Variants in NBEAL2 observed in about 807,000 individuals in gnomAD.
NBEAL2 encodes neurobeachin-like protein 2.
NBEAL2 carries 160 observed loss-of-function variants against 299.8 expected under a neutral mutation model. The ratio of observed to expected loss-of-function variants is 0.53; its 90% CI spans 0.47 to 0.61. The LOEUF (loss-of-function observed/expected upper bound fraction) is 0.61, where lower values mean the gene tolerates loss of function less well. Ranked by LOEUF, NBEAL2 falls within the 20% of genes least tolerant of loss-of-function variation. The probability of loss-of-function intolerance (pLI) is 0.00; values close to 1 mark genes in which losing one functional copy is unlikely to be tolerated. For synonymous variants in NBEAL2, 1,493 were observed against 1,542.3 expected, an observed-to-expected ratio of 0.97 and a Z score of 0.75; for missense variants, 3,112 against 3,649.0, an observed-to-expected ratio of 0.85 and a Z score of 3.79.
chr3:46,999,145 C>A, intron 24 of NBEAL2, 28 bp downstream of exon 24: 1 of 1,552,290 alleles, frequency 6.4e-7, no homozygotes, highest in Non-Finnish European at 8.7e-7. Context: ...CCTCCCCTGG[C>A]ATCCCATTCA....
rs2037386175 is a variant in NBEAL2 at position 47,005,719 on chromosome 3, A to C, written c.6692-19A>C. ...GTCGGGATGGACAGGGAGACAGCTGACCCAGTCCTCTGTGCCAGGTTTTGA... is the reference window on the plus strand; with the variant it reads ...GTCGGGATGGACAGGGAGACAGCTGCCCCAGTCCTCTGTGCCAGGTTTTGA... On this transcript the variant is annotated intron_variant, in intron 41 of 53. Coordinates refer to ENST00000450053, the MANE Select transcript of NBEAL2 (RefSeq NM_015175.3). The C allele has an allele frequency of 6.2e-7, 1 of 1,612,582 alleles. No homozygotes were observed. Among genetic ancestry groups the C allele is most frequent in the Non-Finnish European group, 8.5e-7 (1 of 1,179,356 alleles).
chr3:46,995,866 A>G lies in NBEAL2; in HGVS notation c.2031+20A>G, dbSNP rs757402094. ...GCCTGGGTGAGACCCCATCCTTCTCATGTGGCCCAGTAGAGAGAGGGGTGC... is the reference window on the plus strand; with the variant it reads ...GCCTGGGTGAGACCCCATCCTTCTCGTGTGGCCCAGTAGAGAGAGGGGTGC... On this transcript the variant is annotated intron_variant, in intron 14 of 53. Transcript: ENST00000450053. 2 of 1,613,710 alleles carry G rather than the reference A, an allele frequency of 1.2e-6. No individual in the cohort carries two copies. The highest frequency in any genetic ancestry group is 1.7e-5 in the Admixed American group (1 of 60,016).
At position 46,999,335 on chromosome 3, in the gene NBEAL2, G is replaced by A. The variant is rs546980913; in HGVS notation, c.3564G>A (p.Gln1188=). Residue 1188 remains glutamine, a synonymous_variant, in exon 25 of 54, where the codon CAG becomes CAA. Coordinates refer to ENST00000450053, the MANE Select transcript of NBEAL2 (RefSeq NM_015175.3). ...CACAGATCCTGCGCAGACTGCAGCA[G>A]AATGAGCGGCTACCTGAGCGGAGCC... ...RVCKILRRLQ[Q]NERLPERSRQ... is the part of the protein sequence containing the mutation. The A allele has an allele frequency of 3.1e-6, 5 of 1,611,406 alleles. No homozygotes were observed. The African/African-American group carries it at 6.7e-5, about 21-fold the overall frequency.
Position 46,996,395 on chromosome 3 carries a change from C to A in NBEAL2, c.2276C>A (p.Ser759Ter), listed in dbSNP as rs2036503143. The A allele has an allele frequency of 6.2e-7, 1 of 1,611,904 alleles. No individual in the cohort carries two copies. Among genetic ancestry groups the A allele is most frequent in the Non-Finnish European group, 8.5e-7 (1 of 1,179,496 alleles). Residue 759 changes from serine to a stop codon, truncating the protein, a stop_gained, in exon 16 of 54, where the codon TCA becomes TAA. Coordinates refer to ENST00000450053, the MANE Select transcript of NBEAL2 (RefSeq NM_015175.3). LOFTEE classifies it high-confidence loss of function. ...YTHPALTRSQ[S>*]VPASTGLGWG... The stretch of plus-strand genomic sequence containing the variant: ...CACCCCGCCCTCACCCGCTCCCAGT[C>A]AGTCCCAGCCTCCACAGGGCTTGGC...
rs2036417150 is a variant in NBEAL2, at chr3:46,995,444, G to A, written c.1709G>A (p.Arg570Lys). Residue 570 changes from arginine to lysine, a missense_variant, in exon 13 of 54, where the codon AGG becomes AAG. This residue lies in a region of NBEAL2 where 2,243 missense variants were observed against 2,538.1 expected (regional missense o/e 0.88). Transcript: ENST00000450053. ...ATCCGCACATTATCAGGCATGGCCA[G>A]GCACCAGGGTCCTGCACGTGCTCTG... ...AVIRTLSGMA[R>K]HQGPARALRY... 6.2e-7 allele frequency: 1 copy of A among 1,612,760 alleles called. No individual in the cohort carries two copies. The highest frequency in any genetic ancestry group is 8.5e-7 in the Non-Finnish European group (1 of 1,179,898).
intron 1 of NBEAL2, among the ~76,000 whole-genome samples, chr3:46,980,248 A>G (rs1306443121): frequency 2.0e-5 from 3 of 152,158 alleles, no homozygotes; most frequent in Non-Finnish European, 2.9e-5. Flanking sequence ...CAAATGGGGA[A>G]ACTGAGACCT....
At position 47,005,478 on chromosome 3, in the gene NBEAL2, C is replaced by T. The variant is rs1362914218; in HGVS notation, c.6561-11C>T. 7 of 1,610,202 alleles carry T rather than the reference C, an allele frequency of 4.3e-6. No homozygotes were observed. The highest frequency in any genetic ancestry group is 2.2e-5 in the East Asian group (1 of 44,662). ...TCCCCACCTCACCTTGGCCCCGTGC[C>T]CCTCCCCCAGCTTTGACTGCTCCGA... On this transcript the variant is annotated splice_polypyrimidine_tract_variant and intron_variant, in intron 40 of 53. Transcript: ENST00000450053.
rs1376917197 is a variant in NBEAL2, at chr3:47,001,968, G to A, written c.4831G>A (p.Val1611Met). The A allele has an allele frequency of 1.9e-6, 3 of 1,609,226 alleles. No individual in the cohort carries two copies. The highest frequency in any genetic ancestry group is 2.2e-5 in the South Asian group (2 of 90,958). The change falls in exon 31 of 54, where the codon GTG (valine) becomes ATG (methionine). Residue 1611 changes from valine to methionine, a missense_variant. Val to Met is a conservative substitution (Grantham distance 21). Around this residue, in one of 3 missense-constraint regions of NBEAL2, gnomAD observed 2,243 missense variants for 2,538.1 expected, o/e 0.88. Coordinates refer to ENST00000450053, the MANE Select transcript of NBEAL2 (RefSeq NM_015175.3). This position sits in a 1 kb window ranked among gnomAD's most constrained non-coding sequence, Gnocchi z 6.1. ...ATTGCACATGCTGCTACAGACTGCAGTGCCAGCCCGCCGCGAGGAGGCCTG... is the reference window on the plus strand; with the variant it reads ...ATTGCACATGCTGCTACAGACTGCAATGCCAGCCCGCCGCGAGGAGGCCTG... ...VRLHMLLQTA[V>M]PARREEACYV...
At position 46,998,513 on chromosome 3, in the gene NBEAL2, C is replaced by G. The variant is rs778212837; in HGVS notation, c.3169C>G (p.Arg1057Gly). 1 of 1,613,354 alleles carries G rather than the reference C, an allele frequency of 6.2e-7. No individual in the cohort carries two copies. The change falls in exon 22 of 54, where the codon CGG becomes GGG. Residue 1057 changes from arginine (R) to glycine (G), a missense_variant. By Grantham distance (125) the Arg-to-Gly change is moderately radical. Coordinates refer to ENST00000450053, the MANE Select transcript of NBEAL2 (RefSeq NM_015175.3). ...SIVREHRQKL[R>G]KKYGVQFILD... is the part of the protein sequence containing the mutation. ...AGTTCGGGAGCACAGACAGAAGCTGCGGAAGAAGTACGGCGTCCAGTTTAT... is the reference window on the plus strand; with the variant it reads ...AGTTCGGGAGCACAGACAGAAGCTGGGGAAGAAGTACGGCGTCCAGTTTAT...
rs2035801183 is a variant in NBEAL2, at chr3:46,988,060, C to T, written c.52-609C>T. On this transcript the variant is annotated intron_variant, in intron 1 of 53. Transcript: ENST00000450053. The surrounding 1 kb of genome is among the most constrained non-coding windows in gnomAD (Gnocchi z 4.4). ...GCCCCTCTTGCCCATGGAACCAGCT[C>T]TGGGGCCTGGGGTCCAGGTAACCAG... 8.0e-7 allele frequency: 1 copy of T among 1,247,404 alleles called. No homozygotes were observed. Among genetic ancestry groups the T allele is most frequent in the Non-Finnish European group, 1.0e-6 (1 of 969,754 alleles). 77.3% of individuals were successfully genotyped at this position (1,247,404 alleles called of 1,614,324 possible).
intron 31 of NBEAL2, 31 bp downstream of exon 31, chr3:47,002,319 G>T: frequency 1.3e-6 from 2 of 1,597,070 alleles, no homozygotes; most frequent in Non-Finnish European, 1.7e-6. Flanking sequence ...AGGAAGAGGA[G>T]TGGGGGCTGG....
chr3:46,993,243 G>T (rs752842328), intron 10 of NBEAL2, among the ~76,000 whole-genome samples: 24 of 152,228 alleles, frequency 1.6e-4, no homozygotes, highest in Admixed American at 3.9e-4. Context: ...GAGGCCTGGA[G>T]GGGGAGGACT....
In NBEAL2 at chr3:47,009,109, G is replaced by A; in HGVS notation, c.8148G>A (p.Ala2716=). Residue 2716 remains alanine, a synonymous_variant, in exon 53 of 54, where the codon GCG becomes GCA. Coordinates refer to ENST00000450053, the MANE Select transcript of NBEAL2 (RefSeq NM_015175.3). ...ATGGCAAGCTCATCGTGGTGGTCGCGGGGCAGCCCTCTGAGGTGAGGATGG... is the reference window on the plus strand; with the variant it reads ...ATGGCAAGCTCATCGTGGTGGTCGCAGGGCAGCCCTCTGAGGTGAGGATGG... ...LEDGKLIVVV[A]GQPSEVRSSQ... 1.3e-6 allele frequency: 2 copies of A among 1,591,078 alleles called. No homozygotes were observed. Among genetic ancestry groups the A allele is most frequent in the Non-Finnish European group, 1.7e-6 (2 of 1,174,040 alleles).
At position 46,995,040 on chromosome 3, in the gene NBEAL2, G is replaced by A; in HGVS notation, c.1305G>A (p.Glu435=). 1.9e-6 allele frequency: 3 copies of A among 1,545,034 alleles called. No individual in the cohort carries two copies. The highest frequency in any genetic ancestry group is 2.6e-6 in the Non-Finnish European group (3 of 1,138,692). The change falls in exon 13 of 54, where the codon GAG becomes GAA. Residue 435 remains glutamate, a synonymous_variant. Coordinates refer to ENST00000450053, the MANE Select transcript of NBEAL2 (RefSeq NM_015175.3). The part of the protein sequence containing the change: ...LLQELLNMAV[E]GDHSMCPPPP... ...ATTCTCTCCACCCACAGGCTGTGGA[G>A]GGTGACCACAGCATGTGCCCACCTC...
Position 46,995,563 on chromosome 3 carries a change from T to C in NBEAL2, c.1828T>C (p.Cys610Arg), listed in dbSNP as rs529086931. 8.1e-6 allele frequency: 13 copies of C among 1,612,860 alleles called. No homozygotes were observed. Among genetic ancestry groups the C allele is most frequent in the African/African-American group, 6.7e-5 (5 of 75,062 alleles). ...TGGCTTCACCTTTCATGCCTGGCTC[T>C]GTCTGCACCCTATGGATACAGCACC... ...GPGFTFHAWL[C>R]LHPMDTAPTP... The change falls in exon 13 of 54, where the codon TGT becomes CGT. Residue 610 changes from cysteine (C) to arginine (R), a missense_variant. Transcript: ENST00000450053.
rs2037516454 is a variant in NBEAL2 at position 47,007,248 on chromosome 3, T to C, written c.7232T>C (p.Val2411Ala). The C allele has an allele frequency of 6.2e-7, 1 of 1,611,944 alleles. No individual in the cohort carries two copies. Among genetic ancestry groups the C allele is most frequent in the South Asian group, 1.1e-5 (1 of 90,648 alleles). ...TQGSPDLLVTVSASGLLGTHS... is the reference protein window; with the variant it reads ...TQGSPDLLVTASASGLLGTHS... ...GCCCCCTCCTGCCTGCAGGTGACTG[T>C]GAGTGCCAGTGGGCTGCTGGGCACC... is the stretch of plus-strand genomic sequence containing the variant. Residue 2411 changes from valine to alanine, a missense_variant, in exon 47 of 54, where the codon GTG becomes GCG. Around this residue, in one of 3 missense-constraint regions of NBEAL2, gnomAD observed 521 missense variants for 729.6 expected, o/e 0.71. Transcript: ENST00000450053.
intron 1 of NBEAL2, among the ~76,000 whole-genome samples, chr3:46,986,802 AAGTAGT>A (rs1309802998): frequency 6.6e-6 from 1 of 152,138 alleles, no homozygotes; most frequent in Non-Finnish European, 1.5e-5. Flanking sequence ...ACTGAAGACA[AAGTAGT>A]AGATAAGGCA....
rs567373047 is a variant in NBEAL2, at chr3:46,996,474, C to T, written c.2355C>T (p.Leu785=). 70 of 1,598,962 alleles carry T rather than the reference C, an allele frequency of 4.4e-5. No individual in the cohort carries two copies. The highest frequency in any genetic ancestry group is 1.1e-4 in the African/African-American group (8 of 74,792). ...PLQEGSIDST[L]AGTQDTRWGS... The stretch of plus-strand genomic sequence containing the variant: ...AGGAGGGCAGCATCGACTCTACCCT[C>T]GCAGGCACCCAGGACACTCGGTGGG... Residue 785 remains leucine (L), a synonymous_variant, in exon 16 of 54, where the codon CTC becomes CTT. Transcript: ENST00000450053.
chr3:47,006,154 T>C lies in NBEAL2; in HGVS notation c.6920-11T>C. ...CGCAGGGAGCCCTGACTGCTCTGCC[T>C]GCCTTCCCAGGGGCTGTAGACCTGG... On this transcript the variant is annotated splice_polypyrimidine_tract_variant and intron_variant, in intron 43 of 53. Coordinates refer to ENST00000450053, the MANE Select transcript of NBEAL2 (RefSeq NM_015175.3). The C allele has an allele frequency of 1.9e-6, 3 of 1,613,756 alleles. No homozygotes were observed. Among genetic ancestry groups the C allele is most frequent in the Non-Finnish European group, 2.5e-6 (3 of 1,179,858 alleles).
Sources: allele counts gnomAD v4.1 joint callset (sites outside exome capture counted in the v4.1 genomes callset), GRCh38; gene constraint gnomAD v4.1.1; regional missense constraint gnomAD v4.1.1; non-coding constraint Gnocchi (gnomAD v3.1); transcripts MANE v1.5; gene names NCBI Gene and HGNC (gene_info 2026-07-23, HGNC 2026-07-21).